LACRT: variants seen among roughly 807,000 people sequenced by gnomAD.
LACRT encodes lacritin.
LACRT carries 14 observed loss-of-function variants against 14.5 expected under a neutral mutation model. That is an observed-to-expected ratio of 0.96 (90% CI 0.64 to 1.51). The LOEUF is 1.51. Ranked by LOEUF, LACRT falls within the 40% of genes most tolerant of loss-of-function variation. LACRT has a pLI of 0.00. For synonymous variants in LACRT, 70 were observed against 63.5 expected (o/e 1.10, Z -0.48); for missense variants, 156 against 161.8 (o/e 0.96, Z 0.19).
intron 3 of LACRT, 39 bp downstream of exon 3, chr12:54,632,202 T>A: frequency 6.2e-7 from 1 of 1,610,208 alleles, no homozygotes; most frequent in South Asian, 1.1e-5. Flanking sequence ...GCCAGAGACT[T>A]TTCTAGGTTG....
At position 54,632,223 on chromosome 12, in the gene LACRT, A is replaced by G. The variant is rs1241791324; in HGVS notation, c.253+18T>C. On this transcript the variant is annotated intron_variant, in intron 3 of 4. Coordinates refer to ENST00000257867, the MANE Select transcript of LACRT (RefSeq NM_033277.2). ...GACTTTTCTAGGTTGTTGATCTGGC[A>G]TAGAGACAGAGACTTACTCAGGGGG... 1 of 1,613,730 alleles carries G rather than the reference A, an allele frequency of 6.2e-7. No homozygotes were observed. The highest frequency in any genetic ancestry group is 8.5e-7 in the Non-Finnish European group (1 of 1,179,838).
At chr12:54,632,083 G>A (rs1779922570) in intron 3 of LACRT, 158 bp downstream of exon 3, 1 of 792,586 alleles carries the variant, frequency 1.3e-6, no homozygotes, top group African/African-American at 1.7e-5. Context: ...AAAACGTTGT[G>A]TGTGGGTGCA....
At chr12:54,633,462 T>C (rs944232326) in intron 1 of LACRT, among the ~76,000 whole-genome samples, 1 of 152,160 alleles carries the variant, frequency 6.6e-6, no homozygotes, top group African/African-American at 2.4e-5. Context: ...CTGAGAAGTG[T>C]AATGTCTCTT....
chr12:54,631,664 C>T (rs1194083659), intron 4 of LACRT, 74 bp downstream of exon 4: 17 of 1,131,736 alleles, frequency 1.5e-5, no homozygotes, highest in Admixed American at 5.1e-5. Context: ...CAAGTTCTGT[C>T]CCATATCCCA....
At chr12:54,632,495 G>A (rs1319533617) in intron 2 of LACRT, 114 bp from the exon 3 acceptor site, 2 of 1,247,544 alleles carry the variant, frequency 1.6e-6, no homozygotes, top group Admixed American at 2.0e-5. Flanking sequence ...ATACAGAAGT[G>A]ATATGGCTTA....
intron 3 of LACRT, 127 bp downstream of exon 3, chr12:54,632,114 C>CT: frequency 9.1e-7 from 1 of 1,098,426 alleles, no homozygotes; most frequent in Non-Finnish European, 1.3e-6. Context: ...CCATTTGTGC[C>CT]TTTGTGTTCA....
intron 2 of LACRT, 34 bp downstream of exon 2, chr12:54,633,146 C>G (rs115843517): frequency 2.5e-6 from 4 of 1,608,564 alleles, no homozygotes; most frequent in Admixed American, 3.3e-5. Context: ...ACCTTCCCAA[C>G]GAGGGCTAGG....
At chr12:54,631,703 C>A in intron 4 of LACRT, 35 bp downstream of exon 4, 1 of 1,489,088 alleles carries the variant, frequency 6.7e-7, no homozygotes, top group Non-Finnish European at 9.4e-7. Flanking sequence ...TGAGTATTCT[C>A]ATTCCCACAA....
In LACRT at chr12:54,632,363, A is replaced by G. The variant is rs1376297252; in HGVS notation, c.131T>C (p.Ile44Thr). ...TGAAGCTGGTTCTGCTGGACCTGAG[A>G]TCTCTTCATTAGGCTTAGCTGTGAA... ...EAGTSKPNEE[I>T]SGPAEPASPP... Residue 44 changes from isoleucine to threonine, a missense_variant, in exon 3 of 5, where the codon ATC becomes ACC. Coordinates refer to ENST00000257867, the MANE Select transcript of LACRT (RefSeq NM_033277.2). 6 of 1,613,816 alleles carry G rather than the reference A, an allele frequency of 3.7e-6. No homozygotes were observed. Among genetic ancestry groups the G allele is most frequent in the Non-Finnish European group, 5.1e-6 (6 of 1,179,970 alleles).
At chr12:54,630,994 A>C (rs757680175) in intron 4 of LACRT, 41 bp from the exon 5 acceptor site, 2 of 1,267,654 alleles carry the variant, frequency 1.6e-6, no homozygotes, top group Non-Finnish European at 2.3e-6. Context: ...TTAGGACCCC[A>C]GGCACCAGCT....
intron 3 of LACRT, 189 bp from the exon 4 acceptor site, chr12:54,632,028 G>A (rs1958155506): frequency 1.5e-6 from 1 of 686,976 alleles, no homozygotes; most frequent in Non-Finnish European, 2.4e-6. Flanking sequence ...GTGTGAGCCA[G>A]GACAGAAACC....
At chr12:54,631,979 G>C in intron 3 of LACRT, 140 bp from the exon 4 acceptor site, 1 of 658,542 alleles carries the variant, frequency 1.5e-6, no homozygotes, top group Non-Finnish European at 2.5e-6. Flanking sequence ...AAGTGCAGAA[G>C]TTTTGCTGAG....
At chr12:54,634,187 T>C (rs936071588) in intron 1 of LACRT, among the ~76,000 whole-genome samples, 4 of 152,014 alleles carry the variant, frequency 2.6e-5, no homozygotes, top group African/African-American at 9.7e-5. Flanking sequence ...ACACCGTCTC[T>C]ACTAAAAATA....
chr12:54,634,686 A>G, intron 1 of LACRT, 98 bp downstream of exon 1: 1 of 1,164,906 alleles, frequency 8.6e-7, no homozygotes, highest in Non-Finnish European at 1.3e-6. Context: ...GGGAAACCAG[A>G]ATAGCACTGA....
chr12:54,631,058 C>A, intron 4 of LACRT, 105 bp from the exon 5 acceptor site: 1 of 735,090 alleles, frequency 1.4e-6, no homozygotes, highest in Non-Finnish European at 2.4e-6. Context: ...CTTACTGAGA[C>A]TCTGGAGAGG....
At chr12:54,633,058 A>G (rs1592196673) in intron 2 of LACRT, 122 bp downstream of exon 2, 3 of 961,718 alleles carry the variant, frequency 3.1e-6, no homozygotes, top group South Asian at 2.6e-5. Context: ...GCCCCTCCCC[A>G]TTACCACCAA....
intron 2 of LACRT, 92 bp downstream of exon 2, chr12:54,633,088 T>A: frequency 8.3e-7 from 1 of 1,201,084 alleles, no homozygotes; most frequent in Non-Finnish European, 1.2e-6. Context: ...CCAGATCTCC[T>A]CCCACTGGCT....
At chr12:54,634,641 G>T in intron 1 of LACRT, 143 bp downstream of exon 1, 1 of 803,420 alleles carries the variant, frequency 1.2e-6, no homozygotes, top group African/African-American at 1.7e-5. Context: ...GAGGCCACGT[G>T]TGGAGAACTG....
At chr12:54,631,561 GA>G (rs1302517794) in intron 4 of LACRT, among the ~76,000 whole-genome samples, 176 bp downstream of exon 4, 1 of 152,112 alleles carries the variant, frequency 6.6e-6, no homozygotes, top group African/African-American at 2.4e-5. Context: ...ATCTGGATGA[GA>G]AATTGGAAAC....
Sources: allele counts gnomAD v4.1 joint callset (sites outside exome capture counted in the v4.1 genomes callset), GRCh38; gene constraint gnomAD v4.1.1; transcripts MANE v1.5; gene names NCBI Gene and HGNC (gene_info 2026-07-23, HGNC 2026-07-21).